The following MAP3K9 variants were observed in gnomAD, a reference collection of about 807,000 sequenced individuals.
MAP3K9 encodes mitogen-activated protein kinase kinase kinase 9, also known as mixed lineage kinase 1 (tyr and ser/thr specificity).
MAP3K9 carries 46 observed loss-of-function variants against 95.8 expected under a neutral mutation model. The ratio of observed to expected loss-of-function variants is 0.48; its 90% CI spans 0.38 to 0.61. The LOEUF (loss-of-function observed/expected upper bound fraction) is 0.61. Ranked by LOEUF, MAP3K9 falls within the 20% of genes least tolerant of loss-of-function variation. The pLI, the probability that MAP3K9 is intolerant of heterozygous loss-of-function variation, is 0.00. For missense variants in MAP3K9, 1,296 were observed against 1,474.3 expected (o/e 0.88, Z 1.98); for synonymous variants, 533 against 593.8 (o/e 0.90, Z 1.49).
At chr14:70,758,767 CTTT>C (rs1000650160) in intron 3 of MAP3K9, among the ~76,000 whole-genome samples, 1 of 144,330 alleles carries the variant, frequency 6.9e-6, no homozygotes, top group Non-Finnish European at 1.5e-5. Context: ...ATGGATGAAT[CTTT>C]TTTTTTTTTT....
intron 2 of MAP3K9, among the ~76,000 whole-genome samples, chr14:70,787,187 G>C (rs2054755453): frequency 6.6e-6 from 1 of 151,946 alleles, no homozygotes; most frequent in Non-Finnish European, 1.5e-5. Context: ...GCAGTCACAA[G>C]GATTTGCAGA....
At chr14:70,767,764 C>A (rs1381946926) in intron 2 of MAP3K9, among the ~76,000 whole-genome samples, 1 of 152,230 alleles carries the variant, frequency 6.6e-6, no homozygotes, top group Non-Finnish European at 1.5e-5. Flanking sequence ...TCATAGCTCA[C>A]TGTAACCTTG....
At position 70,726,768 on chromosome 14, in the gene MAP3K9, A is replaced by G. The variant is rs1442894536; in HGVS notation, c.*3612T>C. ...TCAAGGCAAAGGTGATGAGAGCCAC[A>G]CTCTCAACTTCAGCGATTCATCCTG... On this transcript the variant is annotated 3_prime_UTR_variant, in exon 12 of 12. Coordinates refer to ENST00000554752, the MANE Select transcript of MAP3K9 (RefSeq NM_001284230.2). 2 of 152,230 alleles carry G rather than the reference A, an allele frequency of 1.3e-5. No homozygotes were observed. The highest frequency in any genetic ancestry group is 4.8e-5 in the African/African-American group (2 of 41,452). 9.4% of individuals were successfully genotyped at this position (152,230 alleles called of 1,614,324 possible). A position where few individuals can be genotyped will look rare whatever the true frequency, so the allele number is the denominator to read the frequency against.
intron 2 of MAP3K9, among the ~76,000 whole-genome samples, chr14:70,782,278 A>T (rs1044529265): frequency 6.6e-6 from 1 of 152,208 alleles, no homozygotes; most frequent in African/African-American, 2.4e-5. Context: ...TTCTTACAGC[A>T]TGTATGCAAT....
chr14:70,764,684 T>C (rs1158696117), intron 2 of MAP3K9, among the ~76,000 whole-genome samples: 1 of 151,910 alleles, frequency 6.6e-6, no homozygotes, highest in Non-Finnish European at 1.5e-5. Context: ...ATTGAAAAAT[T>C]AGCCAGGTGT....
intron 2 of MAP3K9, among the ~76,000 whole-genome samples, chr14:70,776,987 C>A (rs1019499897): frequency 6.6e-6 from 1 of 152,066 alleles, no homozygotes; most frequent in African/African-American, 2.4e-5. Flanking sequence ...CCTGCCACCA[C>A]ACCCGGCTAA....
chr14:70,741,309 C>T (rs1490070769), intron 6 of MAP3K9, among the ~76,000 whole-genome samples: 4 of 152,096 alleles, frequency 2.6e-5, no homozygotes, highest in Non-Finnish European at 5.9e-5. Context: ...AGGCTGGTCT[C>T]GAACTCCTGA....
At chr14:70,788,443 G>A (rs867061976) in intron 2 of MAP3K9, among the ~76,000 whole-genome samples, 16 of 152,266 alleles carry the variant, frequency 1.1e-4, no homozygotes, top group Non-Finnish European at 1.3e-4. Context: ...AGATGAGATC[G>A]GTGGTATTAT....
intron 5 of MAP3K9, among the ~76,000 whole-genome samples, chr14:70,748,104 C>CAAAAA (rs34373850): frequency 8.0e-6 from 1 of 125,472 alleles, no homozygotes; most frequent in Admixed American, 8.2e-5. Context: ...GAGACTGTCT[C>CAAAAA]AAAAAAAAAA....
chr14:70,740,816 T>C (rs919778596), intron 6 of MAP3K9, among the ~76,000 whole-genome samples: 3 of 152,250 alleles, frequency 2.0e-5, no homozygotes, highest in African/African-American at 7.2e-5. Context: ...CATTAGACTG[T>C]GATCTCCCTG....
At chr14:70,801,732 G>T (rs2054932765) in intron 1 of MAP3K9, among the ~76,000 whole-genome samples, 1 of 152,226 alleles carries the variant, frequency 6.6e-6, no homozygotes, top group Admixed American at 6.5e-5. Flanking sequence ...CACTAAGGGG[G>T]TGAGTGGGGA....
chr14:70,742,018 T>G (rs1007024590), intron 6 of MAP3K9, among the ~76,000 whole-genome samples: 22 of 152,208 alleles, frequency 1.4e-4, no homozygotes, highest in African/African-American at 5.1e-4. Context: ...ATGCACACCC[T>G]GGAATGTTTT....
Position 70,732,643 on chromosome 14 carries a change from G to A in MAP3K9, c.2726C>T (p.Pro909Leu), listed in dbSNP as rs2053922021. The change falls in exon 11 of 12, where the codon CCC becomes CTC. Residue 909 changes from proline to leucine, a missense_variant. Physicochemically the swap from Pro to Leu is moderately conservative, Grantham distance 98. This residue lies in a region of MAP3K9 where 433 missense variants were observed against 441.4 expected (regional missense o/e 0.98). Transcript: ENST00000554752. ...THVTLTTPSQ[P>L]SSHRRTPSDG... is the part of the protein sequence containing the mutation. Reference sequence around the variant, plus strand: ...AGAAGGAGTCCGCCGGTGACTGCTGGGCTGCGAGGGGGTGGTGAGGGTGAC... The same window carrying A: ...AGAAGGAGTCCGCCGGTGACTGCTGAGCTGCGAGGGGGTGGTGAGGGTGAC... 2 of 1,606,500 alleles carry A rather than the reference G, an allele frequency of 1.2e-6. No individual in the cohort carries two copies. The highest frequency in any genetic ancestry group is 2.2e-5 in the East Asian group (1 of 44,746).
chr14:70,786,045 C>A (rs2054741442), intron 2 of MAP3K9, among the ~76,000 whole-genome samples: 1 of 151,954 alleles, frequency 6.6e-6, no homozygotes, highest in Non-Finnish European at 1.5e-5. Flanking sequence ...GAATAATAAG[C>A]CAAGGAGAGT....
In MAP3K9 at chr14:70,765,631, G is replaced by C; in HGVS notation, c.821-4449C>G. On this transcript the variant is annotated intron_variant, in intron 2 of 11. Transcript: ENST00000554752. Reference sequence around the variant, plus strand: ...GTACAGTAACATGTACACGTTTGTAGCCTGGAAACAGCAGACTACACCAGG... The same window carrying C: ...GTACAGTAACATGTACACGTTTGTACCCTGGAAACAGCAGACTACACCAGG... The C allele has an allele frequency of 7.6e-6, 3 of 393,546 alleles. No individual in the cohort carries two copies. The South Asian group carries it at 2.3e-4, about 31-fold the overall frequency. The allele number at this position is 393,546 out of a possible 1,614,324, so 24.4% of individuals were successfully genotyped here.
At chr14:70,768,670 C>G (rs2054490468) in intron 2 of MAP3K9, among the ~76,000 whole-genome samples, 1 of 152,140 alleles carries the variant, frequency 6.6e-6, no homozygotes, top group South Asian at 2.1e-4. Flanking sequence ...TGTCTTGCCA[C>G]TAAGGGATTT....
At chr14:70,796,097 C>T (rs1010072001) in intron 2 of MAP3K9, among the ~76,000 whole-genome samples, 1 of 152,084 alleles carries the variant, frequency 6.6e-6, no homozygotes, top group African/African-American at 2.4e-5. Flanking sequence ...TGCTCTTCTG[C>T]CCAATGCCGT....
At chr14:70,737,338 C>T (rs940747595) in intron 8 of MAP3K9, among the ~76,000 whole-genome samples, 2 of 152,184 alleles carry the variant, frequency 1.3e-5, no homozygotes, top group African/African-American at 4.8e-5. Context: ...TAATGTTATG[C>T]CATTTATAAA....
chr14:70,793,766 T>G (rs1187579835), intron 2 of MAP3K9, among the ~76,000 whole-genome samples: 1 of 152,232 alleles, frequency 6.6e-6, no homozygotes, highest in South Asian at 2.1e-4. Context: ...TATTTGGAGA[T>G]GTAAGGGATG....
Sources: gnomAD v4.1 joint callset for allele counts (sites outside exome capture counted in the v4.1 genomes callset) on GRCh38, gnomAD v4.1.1 for gene constraint, gnomAD v4.1.1 regional missense constraint, MANE v1.5 for transcripts, NCBI Gene and HGNC (gene_info 2026-07-23, HGNC 2026-07-21) for gene names.